Variants in MAGI2 observed in about 807,000 individuals in gnomAD.
MAGI2 encodes membrane associated guanylate kinase, WW and PDZ domain containing 2.
MAGI2 carries 35 observed loss-of-function variants against 133.3 expected under a neutral mutation model. The observed-to-expected ratio is 0.26, with a 90% confidence interval of 0.20 to 0.35. The LOEUF (loss-of-function observed/expected upper bound fraction) is 0.35. Among genes scored for constraint, MAGI2 ranks in the 10% least tolerant of loss-of-function variants. The pLI is 1.00. For synonymous variants in MAGI2, 729 were observed against 710.6 expected (o/e 1.03, Z -0.41); for missense variants, 1,636 against 1,863.4 (o/e 0.88, Z 2.25).
intron 6 of MAGI2, among the ~76,000 whole-genome samples, chr7:78,429,417 G>T (rs549016249): frequency 6.6e-6 from 1 of 152,176 alleles, no homozygotes; most frequent in South Asian, 2.1e-4. Flanking sequence ...TTTCAGAAGA[G>T]GGTAGGGGAG....
intron 10 of MAGI2, among the ~76,000 whole-genome samples, chr7:78,241,944 AAAG>A (rs1178866987): frequency 6.6e-6 from 1 of 151,674 alleles, no homozygotes; most frequent in Non-Finnish European, 1.5e-5. Context: ...AAAAAAAAAA[AAAG>A]ATTTCACCTG....
chr7:78,131,301 C>T (rs551455742), intron 18 of MAGI2, among the ~76,000 whole-genome samples: 13 of 152,288 alleles, frequency 8.5e-5, no homozygotes, highest in South Asian at 6.2e-4. Flanking sequence ...CTCTTCCTTG[C>T]GTATATTTAA....
At chr7:79,240,894 A>C (rs1418578730) in intron 1 of MAGI2, among the ~76,000 whole-genome samples, 1 of 152,138 alleles carries the variant, frequency 6.6e-6, no homozygotes, top group Admixed American at 6.5e-5. Flanking sequence ...TAGTCTAGTG[A>C]GGAGGTAACG....
intron 1 of MAGI2, among the ~76,000 whole-genome samples, chr7:79,066,380 C>G (rs984714736): frequency 2.7e-5 from 4 of 150,456 alleles, no homozygotes; most frequent in African/African-American, 9.8e-5. Flanking sequence ...TGAGAAGTGT[C>G]TGTTCATATC....
intron 2 of MAGI2, among the ~76,000 whole-genome samples, chr7:78,653,872 T>C (rs1318307070): frequency 2.0e-5 from 3 of 152,096 alleles, no homozygotes; most frequent in South Asian, 4.1e-4. Context: ...CTTTTAGTAC[T>C]CTGAGGTCAA....
intron 2 of MAGI2, among the ~76,000 whole-genome samples, chr7:78,759,988 G>A (rs1206302573): frequency 6.6e-6 from 1 of 152,080 alleles, no homozygotes; most frequent in African/African-American, 2.4e-5. Flanking sequence ...GGTGGCATGT[G>A]CCTGTAATCC....
At chr7:78,262,511 G>C (rs529536934) in intron 9 of MAGI2, among the ~76,000 whole-genome samples, 3 of 152,054 alleles carry the variant, frequency 2.0e-5, no homozygotes, top group Non-Finnish European at 4.4e-5. Context: ...CCCACTCATA[G>C]AGACAGAGCT....
intron 20 of MAGI2, among the ~76,000 whole-genome samples, chr7:78,123,804 C>G (rs1232180489): frequency 6.6e-6 from 1 of 152,164 alleles, no homozygotes; most frequent in Non-Finnish European, 1.5e-5. Context: ...TGAAGAGCTT[C>G]CTAAAACATA....
At chr7:78,120,735 C>T (rs985356682) in intron 20 of MAGI2, among the ~76,000 whole-genome samples, 2 of 151,920 alleles carry the variant, frequency 1.3e-5, no homozygotes, top group Non-Finnish European at 2.9e-5. Flanking sequence ...GGCGCGGTGG[C>T]TCACGCCTGG....
intron 1 of MAGI2, among the ~76,000 whole-genome samples, chr7:79,424,776 T>C (rs562371620): frequency 2.6e-5 from 4 of 152,176 alleles, no homozygotes; most frequent in Non-Finnish European, 4.4e-5. Context: ...AATTTTAAAA[T>C]AATATTTCAA....
chr7:78,046,599 C>T (rs564143527), intron 21 of MAGI2, among the ~76,000 whole-genome samples: 1 of 152,158 alleles, frequency 6.6e-6, no homozygotes, highest in South Asian at 2.1e-4. Flanking sequence ...AGAGCTCTGA[C>T]AAGGTGAGAT....
At chr7:78,344,583 C>G (rs1404908366) in intron 8 of MAGI2, among the ~76,000 whole-genome samples, 1 of 152,164 alleles carries the variant, frequency 6.6e-6, no homozygotes, top group Non-Finnish European at 1.5e-5. Context: ...TTTGTTTACA[C>G]TGCTCTATTG....
In MAGI2 at chr7:79,007,226, C is replaced by A. The variant is rs1807547587; in HGVS notation, c.302-20G>T. 3 of 1,436,514 alleles carry A rather than the reference C, an allele frequency of 2.1e-6. No homozygotes were observed. Among genetic ancestry groups the A allele is most frequent in the African/African-American group, 2.8e-5 (2 of 70,392 alleles). The allele number at this position is 1,436,514 out of a possible 1,614,324, so 89.0% of individuals were successfully genotyped here. On this transcript the variant is annotated intron_variant, in intron 1 of 21. Coordinates refer to ENST00000354212, the MANE Select transcript of MAGI2 (RefSeq NM_012301.4). The stretch of plus-strand genomic sequence containing the variant: ...TTCCTCCTAAAAATAAAAAAAGTTT[C>A]TTGGTAAGGGATGTTGGAAAATATT...
intron 2 of MAGI2, among the ~76,000 whole-genome samples, chr7:78,743,721 T>C (rs927979819): frequency 1.3e-5 from 2 of 152,202 alleles, no homozygotes; most frequent in African/African-American, 4.8e-5. Context: ...AAAGGCTTTA[T>C]AAGCATAGGT....
At chr7:78,531,403 G>A (rs1201221555) in intron 3 of MAGI2, among the ~76,000 whole-genome samples, 1 of 151,822 alleles carries the variant, frequency 6.6e-6, no homozygotes, top group Admixed American at 6.6e-5. Flanking sequence ...TAGTAGAGAC[G>A]GGGTTTCACC....
intron 2 of MAGI2, among the ~76,000 whole-genome samples, chr7:78,834,043 A>C (rs913207925): frequency 6.6e-6 from 1 of 152,160 alleles, no homozygotes; most frequent in South Asian, 2.1e-4. Context: ...CTTTTGCCCA[A>C]GCTAGAGTGC....
intron 15 of MAGI2, among the ~76,000 whole-genome samples, chr7:78,162,379 G>C (rs1284901716): frequency 1.3e-5 from 2 of 148,530 alleles, no homozygotes; most frequent in Non-Finnish European, 3.0e-5. Flanking sequence ...AAAAAATTTA[G>C]CTGGGCGCAG....
chr7:78,525,589 A>T (rs1796882678), intron 3 of MAGI2, among the ~76,000 whole-genome samples: 1 of 152,236 alleles, frequency 6.6e-6, no homozygotes, highest in African/African-American at 2.4e-5. Flanking sequence ...CTGGATATAG[A>T]AAATCTAAAA....
intron 2 of MAGI2, among the ~76,000 whole-genome samples, chr7:78,728,766 C>T (rs1220902038): frequency 7.0e-6 from 1 of 143,032 alleles, no homozygotes; most frequent in African/African-American, 2.6e-5. Context: ...GGGGTTTCAC[C>T]GTTTTAGCCG....
Sources: allele counts gnomAD v4.1 joint callset (sites outside exome capture counted in the v4.1 genomes callset), GRCh38; gene constraint gnomAD v4.1.1; transcripts MANE v1.5; gene names NCBI Gene and HGNC (gene_info 2026-07-23, HGNC 2026-07-21).